Variants in EML6 observed in about 807,000 individuals in gnomAD.
The protein encoded by EML6 is EMAP like 6.
In EML6, 154 loss-of-function variants were observed where a neutral mutation model predicts 240.1. The observed-to-expected ratio is 0.64, with a 90% CI of 0.56 to 0.73. The LOEUF (loss-of-function observed/expected upper bound fraction) is 0.73. EML6 is among the 30% of genes least tolerant of loss of function. The probability of loss-of-function intolerance (pLI) is 0.00; values close to 1 mark genes in which losing one functional copy is unlikely to be tolerated. For missense variants in EML6, 2,964 were observed against 2,474.6 expected, an observed-to-expected ratio of 1.20 and a Z score of -4.20; for synonymous variants, 1,148 against 899.0, an observed-to-expected ratio of 1.28 and a Z score of -4.95.
intron 26 of EML6, among the ~76,000 whole-genome samples, chr2:54,924,789 C>G (rs1193149466): frequency 6.6e-6 from 1 of 152,146 alleles, no homozygotes; most frequent in African/African-American, 2.4e-5. Flanking sequence ...TCTCGAACTC[C>G]TGACCTCAGG....
intron 2 of EML6, among the ~76,000 whole-genome samples, chr2:54,810,197 A>G (rs894583746): frequency 1.5e-4 from 23 of 152,190 alleles, no homozygotes; most frequent in Non-Finnish European, 2.9e-4. Flanking sequence ...AGTGTGAAGG[A>G]ACTTCTGGCA....
At chr2:54,793,545 C>G (rs758847152) in intron 2 of EML6, among the ~76,000 whole-genome samples, 1 of 152,130 alleles carries the variant, frequency 6.6e-6, no homozygotes, top group Non-Finnish European at 1.5e-5. Flanking sequence ...TGTCGAACTT[C>G]CTCACACGCC....
intron 25 of EML6, among the ~76,000 whole-genome samples, chr2:54,916,418 A>G (rs532860102): frequency 2.0e-5 from 3 of 152,242 alleles, no homozygotes; most frequent in Non-Finnish European, 4.4e-5. Context: ...AGCCTAAGAC[A>G]TCAGTGCTGG....
intron 28 of EML6, among the ~76,000 whole-genome samples, chr2:54,936,170 T>G (rs530918996): frequency 6.6e-6 from 1 of 152,248 alleles, no homozygotes; most frequent in African/African-American, 2.4e-5. Context: ...TTTGTTCTTA[T>G]CAAATTATCA....
In EML6 at chr2:54,904,331, G is replaced by A. The variant is rs189747629; in HGVS notation, c.3409+829G>A. 1.3e-3 allele frequency among the ~76,000 whole-genome samples: 193 copies of A among 152,238 alleles called. 1 individual carries two copies. The highest frequency in any genetic ancestry group is 4.3e-3 in the African/African-American group (177 of 41,542). ...CTCGTAAATCCTATCCTCAAGACTC[G>A]GCTGATGTTGAGAGTCTGGAGCGGG... On this transcript the variant is annotated intron_variant, in intron 24 of 41. Transcript: ENST00000356458.
At chr2:54,917,373 T>G (rs10153699) in intron 26 of EML6, among the ~76,000 whole-genome samples, 34,784 of 144,628 alleles carry the variant, frequency 0.24, 2,881 homozygotes, top group Middle Eastern at 0.33. Context: ...TTTTTTTTTT[T>G]TTGTTTTTTG....
intron 7 of EML6, among the ~76,000 whole-genome samples, chr2:54,843,784 A>C (rs1669591855): frequency 6.7e-6 from 1 of 148,636 alleles, no homozygotes; most frequent in African/African-American, 2.5e-5. Context: ...CGGAGGCTGC[A>C]GTGAGCTGAG....
intron 2 of EML6, among the ~76,000 whole-genome samples, chr2:54,783,372 C>A (rs1490262209): frequency 6.6e-6 from 1 of 152,112 alleles, no homozygotes; most frequent in Admixed American, 6.5e-5. Context: ...TTAAAATTTT[C>A]CCTTTAGCTA....
chr2:54,952,736 A>AGAGC, intron 31 of EML6, 44 bp downstream of exon 31: 1 of 1,328,878 alleles, frequency 7.5e-7, no homozygotes, highest in Non-Finnish European at 1.1e-6. Context: ...GCTTGCAGGG[A>AGAGC]CGCTGACCTG....
At chr2:54,802,361 C>G (rs768044971) in intron 2 of EML6, among the ~76,000 whole-genome samples, 7 of 152,142 alleles carry the variant, frequency 4.6e-5, no homozygotes, top group Non-Finnish European at 8.8e-5. Flanking sequence ...TGCAGTGACT[C>G]ACGCCTCTAA....
intron 5 of EML6, among the ~76,000 whole-genome samples, chr2:54,823,269 T>C (rs1401636911): frequency 6.6e-6 from 1 of 152,110 alleles, no homozygotes; most frequent in Non-Finnish European, 1.5e-5. Context: ...AGGCTGAGCC[T>C]CAGTGGGTGG....
chr2:54,885,768 C>T (rs1041796675), intron 17 of EML6, among the ~76,000 whole-genome samples: 7 of 151,994 alleles, frequency 4.6e-5, no homozygotes, highest in South Asian at 2.1e-4. Flanking sequence ...CCAGCCACCG[C>T]GCCCGGCTAA....
chr2:54,903,898 A>G (rs962075628), intron 24 of EML6, among the ~76,000 whole-genome samples: 2 of 152,174 alleles, frequency 1.3e-5, no homozygotes, highest in African/African-American at 4.8e-5. Context: ...GAACCGCCCA[A>G]AAAGGCTCAA....
rs749104871 is a variant in EML6 at position 54,971,841 on chromosome 2, G to A, written c.*1746G>A. The A allele has an allele frequency of 5.9e-5, 9 of 152,172 alleles. No individual in the cohort carries two copies. In the South Asian group the frequency reaches 6.2e-4, roughly 10 times the overall value. The allele number at this position is 152,172 out of a possible 1,614,324, so 9.4% of individuals were successfully genotyped here. ...CCATATTTAAAGAGCAATAGTGTCC[G>A]TGTGTCATGAAAAACTTATTTGTAA... On this transcript the variant is annotated 3_prime_UTR_variant, in exon 42 of 42. Coordinates refer to ENST00000356458, the MANE Select transcript of EML6 (RefSeq NM_001039753.4).
At chr2:54,947,840 C>G (rs1186025599) in intron 28 of EML6, among the ~76,000 whole-genome samples, 1 of 152,192 alleles carries the variant, frequency 6.6e-6, no homozygotes, top group Non-Finnish European at 1.5e-5. Flanking sequence ...CTGGTGCACT[C>G]TTTCATTTCT....
At chr2:54,723,809 G>C (rs1682787675) in intron 1 of EML6, 32 bp downstream of exon 1, 1 of 152,448 alleles carries the variant, frequency 6.6e-6, no homozygotes, top group African/African-American at 2.4e-5. Flanking sequence ...GATGCTCCGC[G>C]GGCGAGGCTG....
At chr2:54,960,163 G>T in intron 34 of EML6, 57 bp from the exon 35 acceptor site, 1 of 1,240,140 alleles carries the variant, frequency 8.1e-7, no homozygotes, top group Non-Finnish European at 1.2e-6. Context: ...GGGCCGGAGG[G>T]GGTAGTGGGT....
intron 22 of EML6, among the ~76,000 whole-genome samples, chr2:54,902,028 CT>C (rs893424639): frequency 2.2e-4 from 34 of 152,204 alleles, no homozygotes; most frequent in African/African-American, 8.2e-4. Context: ...AGATTCCATT[CT>C]TCGCGTGACA....
intron 32 of EML6, 49 bp from the exon 33 acceptor site, chr2:54,957,741 T>A (rs1307401423): frequency 6.5e-7 from 1 of 1,526,982 alleles, no homozygotes; most frequent in Non-Finnish European, 8.9e-7. Context: ...TCCCCCGGCC[T>A]GGCCCATGAA....
Sources: allele counts gnomAD v4.1 joint callset (sites outside exome capture counted in the v4.1 genomes callset), GRCh38; gene constraint gnomAD v4.1.1; transcripts MANE v1.5; gene names NCBI Gene and HGNC (gene_info 2026-07-23, HGNC 2026-07-21).